The following EXOC6B variants were observed in gnomAD, a reference collection of about 807,000 sequenced individuals.
EXOC6B encodes the protein exocyst complex component 6B.
Under a neutral mutation model 113.5 loss-of-function variants are expected in EXOC6B, and 54 were observed. The observed-to-expected ratio is 0.48, with a 90% CI of 0.38 to 0.60. EXOC6B has a LOEUF of 0.60. EXOC6B is among the 20% of genes least tolerant of loss of function. The pLI is 0.00. For synonymous variants in EXOC6B, 357 were observed against 339.0 expected, an observed-to-expected ratio of 1.05 and a Z score of -0.58; for missense variants, 797 against 977.5, an observed-to-expected ratio of 0.82 and a Z score of 2.46.
At position 72,662,549 on chromosome 2, in the gene EXOC6B, C is replaced by T. The variant is rs191321123; in HGVS notation, c.669+55554G>A. On this transcript the variant is annotated intron_variant, in intron 6 of 21. Transcript: ENST00000272427. The stretch of plus-strand genomic sequence containing the variant: ...AGTACAACTGAATGTAAAATAAATA[C>T]GATGAAAAGATGCTCAAGATCCTTA... Among the ~76,000 whole-genome samples, 118 of 152,142 alleles carry T rather than the reference C, an allele frequency of 7.8e-4. 1 individual carries two copies. Among genetic ancestry groups the T allele is most frequent in the Admixed American group, 7.5e-3 (115 of 15,268 alleles).
At chr2:72,187,972 C>A (rs988026884) in intron 20 of EXOC6B, among the ~76,000 whole-genome samples, 4 of 152,222 alleles carry the variant, frequency 2.6e-5, no homozygotes, top group African/African-American at 9.6e-5. Flanking sequence ...CCTACAAGGG[C>A]AGGGAGGGCC....
chr2:72,508,769 T>C (rs1700745512), intron 11 of EXOC6B, among the ~76,000 whole-genome samples: 1 of 151,616 alleles, frequency 6.6e-6, no homozygotes, highest in African/African-American at 2.4e-5. Context: ...CAAGACTCTG[T>C]CTCAAAAAAG....
intron 20 of EXOC6B, among the ~76,000 whole-genome samples, chr2:72,271,614 GA>G (rs923622111): frequency 2.7e-4 from 39 of 146,442 alleles, no homozygotes; most frequent in Admixed American, 1.8e-3. Flanking sequence ...TGATTTTAGG[GA>G]AAAAAAAAAC....
intron 5 of EXOC6B, among the ~76,000 whole-genome samples, chr2:72,719,531 G>C (rs140074670): frequency 5.3e-5 from 8 of 152,342 alleles, no homozygotes; most frequent in African/African-American, 1.9e-4. Flanking sequence ...GCTGTAGACA[G>C]GCACGTGGGA....
intron 6 of EXOC6B, among the ~76,000 whole-genome samples, chr2:72,637,507 G>A (rs545191410): frequency 4.5e-4 from 67 of 147,682 alleles, no homozygotes; most frequent in Non-Finnish European, 7.5e-4. Context: ...CTCATAGTCT[G>A]GCCAGGTGCA....
intron 20 of EXOC6B, among the ~76,000 whole-genome samples, chr2:72,309,001 C>G (rs768844881): frequency 6.6e-6 from 1 of 151,798 alleles, no homozygotes; most frequent in Non-Finnish European, 1.5e-5. Context: ...GATGACAAAT[C>G]AGATAGAAAT....
chr2:72,751,534 G>C (rs555610034), intron 1 of EXOC6B, among the ~76,000 whole-genome samples: 2 of 152,038 alleles, frequency 1.3e-5, no homozygotes, highest in African/African-American at 4.8e-5. Flanking sequence ...GCCCTTGACC[G>C]AGAGGAAGGG....
chr2:72,180,981 G>A (rs1395073527), intron 21 of EXOC6B, among the ~76,000 whole-genome samples: 2 of 152,064 alleles, frequency 1.3e-5, no homozygotes, highest in African/African-American at 2.4e-5. Flanking sequence ...AGGCCGAGGC[G>A]GGTGGATCAT....
At chr2:72,742,888 A>T (rs2104820386) in intron 1 of EXOC6B, among the ~76,000 whole-genome samples, 2 of 152,306 alleles carry the variant, frequency 1.3e-5, no homozygotes, top group South Asian at 4.1e-4. Context: ...ATATCCAGCT[A>T]CTATTTAATT....
At chr2:72,631,525 G>T (rs1400660950) in intron 6 of EXOC6B, among the ~76,000 whole-genome samples, 1 of 129,618 alleles carries the variant, frequency 7.7e-6, no homozygotes, top group Non-Finnish European at 1.6e-5. Flanking sequence ...GAGAGAGAAA[G>T]ACAAGGTCTT....
chr2:72,288,022 G>C lies in EXOC6B; in HGVS notation c.2196+46925C>G, dbSNP rs1685552949. On this transcript the variant is annotated intron_variant, in intron 20 of 21. Transcript: ENST00000272427. Reference sequence around the variant, plus strand: ...GAAATCCAATAGAAAATTTGGCAAGGGACATGAAATGGTACTTCAAAAATA... The same window carrying C: ...GAAATCCAATAGAAAATTTGGCAAGCGACATGAAATGGTACTTCAAAAATA... Among the ~76,000 whole-genome samples the C allele has an allele frequency of 1.3e-5, 2 of 151,952 alleles. 1 individual carries two copies. The highest frequency in any genetic ancestry group is 4.8e-5 in the African/African-American group (2 of 41,310).
chr2:72,808,992 G>A (rs1226702010), intron 1 of EXOC6B, among the ~76,000 whole-genome samples: 5 of 152,134 alleles, frequency 3.3e-5, no homozygotes, highest in Non-Finnish European at 5.9e-5. Context: ...TTGAGCCTGG[G>A]AGGTCAAGGA....
At chr2:72,615,227 AAC>A (rs1319023448) in intron 6 of EXOC6B, among the ~76,000 whole-genome samples, 6 of 152,138 alleles carry the variant, frequency 3.9e-5, no homozygotes, top group Admixed American at 3.3e-4. Context: ...AGTGAAAGTA[AAC>A]ACACTGATAT....
intron 6 of EXOC6B, among the ~76,000 whole-genome samples, chr2:72,672,710 A>T (rs1675990018): frequency 6.6e-6 from 1 of 152,194 alleles, no homozygotes; most frequent in Non-Finnish European, 1.5e-5. Flanking sequence ...AAGCACAAAA[A>T]GACAAATATC....
In EXOC6B at chr2:72,500,511, T is replaced by G. The variant is rs552150746; in HGVS notation, c.1168-539A>C. On this transcript the variant is annotated intron_variant, in intron 11 of 21. Coordinates refer to ENST00000272427, the MANE Select transcript of EXOC6B (RefSeq NM_015189.3). Reference sequence around the variant, plus strand: ...TTAAAAAAGATATGGAAGATTTGATTAAATAAACCAAAGACCAAGTTAAAA... The same window carrying G: ...TTAAAAAAGATATGGAAGATTTGATGAAATAAACCAAAGACCAAGTTAAAA... 6.6e-5 allele frequency among the ~76,000 whole-genome samples: 10 copies of G among 151,916 alleles called. No individual in the cohort carries two copies. In the South Asian group the frequency reaches 1.5e-3, roughly 22 times the overall value.
chr2:72,540,065 G>A (rs1486580476), intron 8 of EXOC6B, among the ~76,000 whole-genome samples: 1 of 150,092 alleles, frequency 6.7e-6, no homozygotes, highest in Non-Finnish European at 1.5e-5. Flanking sequence ...TTGTTCTTGC[G>A]ATAGTTTACT....
chr2:72,749,301 GTAA>G (rs1305575711), intron 1 of EXOC6B, among the ~76,000 whole-genome samples: 1 of 152,088 alleles, frequency 6.6e-6, no homozygotes, highest in Non-Finnish European at 1.5e-5. Flanking sequence ...CTCACTGCAT[GTAA>G]TTCAGTGTGT....
rs556079553 is a variant in EXOC6B at position 72,234,236 on chromosome 2, C to A, written c.2197-50049G>T. ...GAGTAGCTGGGATTACAGGCACGTG[C>A]CACCACACCAGCTAATTTTTTGTAT... On this transcript the variant is annotated intron_variant, in intron 20 of 21. Transcript: ENST00000272427. Among the ~76,000 whole-genome samples the A allele has an allele frequency of 5.9e-5, 9 of 152,182 alleles. No homozygotes were observed. The South Asian group carries it at 1.7e-3, about 28-fold the overall frequency.
rs147297450 is a variant in EXOC6B at position 72,637,886 on chromosome 2, G to A, written c.670-62218C>T. Among the ~76,000 whole-genome samples, 284 of 150,984 alleles carry A rather than the reference G, an allele frequency of 1.9e-3. 3 individuals are homozygous for A. Among genetic ancestry groups the A allele is most frequent in the African/African-American group, 6.5e-3 (269 of 41,246 alleles). On this transcript the variant is annotated intron_variant, in intron 6 of 21. Coordinates refer to ENST00000272427, the MANE Select transcript of EXOC6B (RefSeq NM_015189.3). ...AGTAGTACTAAGCAGAAAGTTTAGA[G>A]CAAAAGTAGTATATCAAAAAAGCAG...
Sources: allele counts gnomAD v4.1 joint callset (sites outside exome capture counted in the v4.1 genomes callset), GRCh38; gene constraint gnomAD v4.1.1; transcripts MANE v1.5; gene names NCBI Gene and HGNC (gene_info 2026-07-23, HGNC 2026-07-21).